DHX9: variants seen among roughly 807,000 people sequenced by gnomAD.
DHX9 encodes the protein DExH-box helicase 9, also known as ATP-dependent RNA helicase A.
In DHX9, 27 loss-of-function variants were observed where a neutral mutation model predicts 148.7. The observed-to-expected ratio is 0.18, with a 90% confidence interval of 0.13 to 0.25. The LOEUF (loss-of-function observed/expected upper bound fraction) is 0.25, where lower values mean the gene tolerates loss of function less well. Ranked by LOEUF, DHX9 falls within the 10% of genes least tolerant of loss-of-function variation. The probability of loss-of-function intolerance (pLI) is 1.00; values close to 1 mark genes in which losing one functional copy is unlikely to be tolerated. For missense variants in DHX9, 796 were observed against 1,559.6 expected, an observed-to-expected ratio of 0.51 and a Z score of 8.25; for synonymous variants, 529 against 516.6, an observed-to-expected ratio of 1.02 and a Z score of -0.33.
chr1:182,848,439 T>G (rs1294034861), intron 3 of DHX9, among the ~76,000 whole-genome samples: 1 of 152,244 alleles, frequency 6.6e-6, no homozygotes, highest in African/African-American at 2.4e-5. Context: ...TGAGAAACCT[T>G]GTTCCAACGT....
In DHX9 at chr1:182,852,329, C is replaced by T. The variant is rs1220762444; in HGVS notation, c.349C>T (p.Leu117=). Residue 117 remains leucine (L), a synonymous_variant, in exon 4 of 28, where the codon CTG becomes TTG. Transcript: ENST00000367549. ...CATGGGAGGACCTCTTCCTCCACATCTGGCTCTCAAAGCAGGTAAGGGACT... is the reference window on the plus strand; with the variant it reads ...CATGGGAGGACCTCTTCCTCCACATTTGGCTCTCAAAGCAGGTAAGGGACT... The part of the protein sequence containing the change: ...TTMGGPLPPH[L]ALKAENNSEV... The T allele has an allele frequency of 1.9e-6, 3 of 1,611,080 alleles. No homozygotes were observed. The highest frequency in any genetic ancestry group is 2.5e-6 in the Non-Finnish European group (3 of 1,178,546).
At chr1:182,850,530 G>C (rs1668120041) in intron 3 of DHX9, among the ~76,000 whole-genome samples, 1 of 151,634 alleles carries the variant, frequency 6.6e-6, no homozygotes, top group Non-Finnish European at 1.5e-5. Context: ...AACAGGTTGG[G>C]GCTGCAGTGA....
Position 182,876,473 on chromosome 1 carries a change from C to T in DHX9, c.2056C>T (p.Leu686=), listed in dbSNP as rs1178929098. ...FGSHRYQILP[L]HSQIPREEQR... ...AAGCCATCGGTATCAGATTCTACCC[C>T]TGCATTCTCAGATTCCTCGAGAGGA... The change falls in exon 18 of 28, where the codon CTG becomes TTG. Residue 686 remains leucine (L), a synonymous_variant. Coordinates refer to ENST00000367549, the MANE Select transcript of DHX9 (RefSeq NM_001357.5). 5 of 1,613,546 alleles carry T rather than the reference C, an allele frequency of 3.1e-6. No individual in the cohort carries two copies. The Admixed American group carries it at 5.0e-5, about 16-fold the overall frequency.
Position 182,878,123 on chromosome 1 carries a change from A to C in DHX9, c.2301A>C (p.Arg767=). 1 of 1,614,260 alleles carries C rather than the reference A, an allele frequency of 6.2e-7. No individual in the cohort carries two copies. Among genetic ancestry groups the C allele is most frequent in the South Asian group, 1.1e-5 (1 of 91,086 alleles). ...NLEQRKGRAG[R]VRPGFCFHLC... ...AGCAACGGAAAGGGCGAGCTGGCCG[A>C]GTACGGCCTGGATTCTGCTTTCACC... The change falls in exon 20 of 28, where the codon CGA becomes CGC. Residue 767 remains arginine (R), a synonymous_variant. Transcript: ENST00000367549.
chr1:182,865,463 A>G (rs1648254360), intron 12 of DHX9, among the ~76,000 whole-genome samples: 1 of 152,258 alleles, frequency 6.6e-6, no homozygotes, highest in Non-Finnish European at 1.5e-5. Flanking sequence ...GAGAAATTCA[A>G]GAAAATGGTG....
intron 27 of DHX9, 151 bp downstream of exon 27, chr1:182,884,964 A>T: frequency 1.4e-6 from 1 of 705,506 alleles, no homozygotes; most frequent in Non-Finnish European, 2.3e-6. Flanking sequence ...TGATGTTCTG[A>T]GTTCTAACAT....
intron 14 of DHX9, among the ~76,000 whole-genome samples, chr1:182,867,923 C>T (rs1557973771): frequency 6.6e-6 from 1 of 152,210 alleles, no homozygotes; most frequent in East Asian, 1.9e-4. Flanking sequence ...TCAAAGGTTT[C>T]AGTGCATGGG....
chr1:182,865,654 G>A (rs1381591615), intron 12 of DHX9, among the ~76,000 whole-genome samples: 4 of 152,150 alleles, frequency 2.6e-5, no homozygotes, highest in African/African-American at 7.2e-5. Context: ...GTATACACAA[G>A]CAAGGAACTG....
At chr1:182,885,838 A>G (rs1649297271) in intron 27 of DHX9, among the ~76,000 whole-genome samples, 1 of 152,206 alleles carries the variant, frequency 6.6e-6, no homozygotes, top group African/African-American at 2.4e-5. Flanking sequence ...TAATTCAATA[A>G]CCGTCATAGG....
intron 20 of DHX9, 88 bp downstream of exon 20, chr1:182,878,261 T>C: frequency 7.1e-7 from 1 of 1,409,762 alleles, no homozygotes; most frequent in Non-Finnish European, 9.7e-7. Context: ...CCTGCCAATA[T>C]AAGCTGATCT....
At chr1:182,862,090 T>G (rs1168066407) in intron 12 of DHX9, among the ~76,000 whole-genome samples, 1 of 152,216 alleles carries the variant, frequency 6.6e-6, no homozygotes, top group African/African-American at 2.4e-5. Context: ...TGGCACAGTC[T>G]GAGATAGCAT....
In DHX9 at chr1:182,853,353, A is replaced by G. The variant is rs1029893839; in HGVS notation, c.412A>G (p.Thr138Ala). ...CTCTGGCTATGGTGTTCCTGGGCCC[A>G]CCTGGGACCGAGGAGCCAACTTGAA... ...GASGYGVPGP[T>A]WDRGANLKDY... The change falls in exon 5 of 28, where the codon ACC (threonine) becomes GCC (alanine). Residue 138 changes from threonine (T) to alanine (A), a missense_variant. Physicochemically the swap from Thr to Ala is moderately conservative, Grantham distance 58. Transcript: ENST00000367549. The G allele has an allele frequency of 4.3e-6, 7 of 1,613,988 alleles. No individual in the cohort carries two copies. Among genetic ancestry groups the G allele is most frequent in the Admixed American group, 3.3e-5 (2 of 59,986 alleles).
chr1:182,880,689 C>T, intron 22 of DHX9, 81 bp downstream of exon 22: 1 of 889,548 alleles, frequency 1.1e-6, no homozygotes, highest in Non-Finnish European at 1.8e-6. Context: ...GCAGTATTGG[C>T]TCAGATAGAC....
At chr1:182,844,378 G>A (rs1483246050) in intron 3 of DHX9, among the ~76,000 whole-genome samples, 5 of 152,114 alleles carry the variant, frequency 3.3e-5, no homozygotes, top group Non-Finnish European at 5.9e-5. Flanking sequence ...GGTTGTTTTG[G>A]GGGATTTTTG....
Position 182,887,311 on chromosome 1 carries a change from T to A in DHX9, c.3690T>A (p.Ser1230=), listed in dbSNP as rs532313342. Residue 1230 remains serine, a synonymous_variant, in exon 28 of 28, where the codon TCT becomes TCA. Transcript: ENST00000367549. ...CCCGAGGTGGCTTTAGAGGCAACTC[T>A]GGAGGAGACTACAGAGGGCCTAGTG... ...GVSRGGFRGN[S]GGDYRGPSGG... 319 of 1,614,048 alleles carry A rather than the reference T, an allele frequency of 2.0e-4. 8 individuals carry two copies. In the South Asian group the frequency reaches 3.4e-3, roughly 17 times the overall value.
At chr1:182,859,729 C>T (rs1668323014) in intron 11 of DHX9, among the ~76,000 whole-genome samples, 1 of 152,146 alleles carries the variant, frequency 6.6e-6, no homozygotes, top group Admixed American at 6.5e-5. Flanking sequence ...TCTCCTGCCT[C>T]AGCGTCCCAA....
At position 182,887,575 on chromosome 1, in the gene DHX9, G is replaced by A. The variant is rs1649394011; in HGVS notation, c.*141G>A. The A allele has an allele frequency of 1.4e-6, 1 of 719,502 alleles. No homozygotes were observed. 44.6% of individuals were successfully genotyped at this position (719,502 alleles called of 1,614,324 possible). A position where few individuals can be genotyped will look rare whatever the true frequency, so the allele number is the denominator to read the frequency against. On this transcript the variant is annotated 3_prime_UTR_variant, in exon 28 of 28. Coordinates refer to ENST00000367549, the MANE Select transcript of DHX9 (RefSeq NM_001357.5). ...ATTCTGTGGTTCATTGTAGTTTAAGGAAACCAAGCATATAGATGCATTAGT... is the reference window on the plus strand; with the variant it reads ...ATTCTGTGGTTCATTGTAGTTTAAGAAAACCAAGCATATAGATGCATTAGT...
In DHX9 at chr1:182,847,969, T is replaced by A. The variant is rs142630691; in HGVS notation, c.253-4264T>A. 1.7e-3 allele frequency among the ~76,000 whole-genome samples: 253 copies of A among 152,302 alleles called. 1 individual carries two copies. Among genetic ancestry groups the A allele is most frequent in the African/African-American group, 5.8e-3 (241 of 41,564 alleles). The stretch of plus-strand genomic sequence containing the variant: ...GAAGTAATCCCCTAGGTGATTTTTT[T>A]ATTATTGTTTTAACATGGCTCAGGT... On this transcript the variant is annotated intron_variant, in intron 3 of 27. Coordinates refer to ENST00000367549, the MANE Select transcript of DHX9 (RefSeq NM_001357.5).
At position 182,842,693 on chromosome 1, in the gene DHX9, G is replaced by T; in HGVS notation, c.111+16G>T. On this transcript the variant is annotated intron_variant, in intron 2 of 27. Coordinates refer to ENST00000367549, the MANE Select transcript of DHX9 (RefSeq NM_001357.5). ...CATGTGTGAGGTACTGAAGAATACA[G>T]TTTGCATTTATGTGATTTATGAGGT... 1 of 1,586,146 alleles carries T rather than the reference G, an allele frequency of 6.3e-7. No homozygotes were observed. The highest frequency in any genetic ancestry group is 1.1e-5 in the South Asian group (1 of 87,402).
Sources: gnomAD v4.1 joint callset for allele counts (sites outside exome capture counted in the v4.1 genomes callset) on GRCh38, gnomAD v4.1.1 for gene constraint, MANE v1.5 for transcripts, NCBI Gene and HGNC (gene_info 2026-07-23, HGNC 2026-07-21) for gene names.